KYAT1: variants seen among roughly 807,000 people sequenced by gnomAD.
The protein encoded by KYAT1 is kynurenine aminotransferase 1.
In KYAT1, 47 loss-of-function variants were observed where a neutral mutation model predicts 52.4. The observed-to-expected ratio is 0.90, with a 90% CI of 0.71 to 1.14. The LOEUF is 1.14. KYAT1 is among the 50% of genes most tolerant of loss of function. KYAT1 has a pLI of 0.00. For missense variants in KYAT1, 480 were observed against 557.9 expected (o/e 0.86, Z 1.41); for synonymous variants, 212 against 209.6 (o/e 1.01, Z -0.10).
At chr9:128,863,945 C>T (rs552519067) in intron 1 of KYAT1, among the ~76,000 whole-genome samples, 2 of 152,168 alleles carry the variant, frequency 1.3e-5, no homozygotes, top group Non-Finnish European at 2.9e-5. Flanking sequence ...CTGCGCCTCA[C>T]CCCTTTTCTA....
intron 1 of KYAT1, chr9:128,847,555 G>C: frequency 6.7e-7 from 1 of 1,497,446 alleles, no homozygotes; most frequent in South Asian, 1.2e-5. Context: ...GGGCACTGCA[G>C]ACTTTTCCAG....
chr9:128,874,199 T>G (rs1837635870), intron 1 of KYAT1, among the ~76,000 whole-genome samples: 2 of 150,398 alleles, frequency 1.3e-5, no homozygotes, highest in African/African-American at 4.9e-5. Context: ...GAGGTTGCAG[T>G]GAGCCGAGAT....
At chr9:128,875,247 T>G (rs866746603) in intron 1 of KYAT1, among the ~76,000 whole-genome samples, 7 of 148,324 alleles carry the variant, frequency 4.7e-5, no homozygotes, top group Admixed American at 1.3e-4. Flanking sequence ...TGTTTTTTTT[T>G]GTTTTTTTTT....
At position 128,841,967 on chromosome 9, in the gene KYAT1, A is replaced by G. The variant is rs935737029; in HGVS notation, c.201+687T>C. 1.1e-4 allele frequency: 17 copies of G among 155,138 alleles called. 1 individual carries two copies. In the South Asian group the frequency reaches 2.7e-3, roughly 25 times the overall value. The allele number at this position is 155,138 out of a possible 1,614,324, so 9.6% of individuals were successfully genotyped here. ...GTACAGGCTGCAGTGAGCCGTGATCATGTCACTACACTCTAGCCTAGGTGA... is the reference window on the plus strand; with the variant it reads ...GTACAGGCTGCAGTGAGCCGTGATCGTGTCACTACACTCTAGCCTAGGTGA... On this transcript the variant is annotated intron_variant, in intron 3 of 12. Coordinates refer to ENST00000302586, the MANE Select transcript of KYAT1 (RefSeq NM_004059.5).
intron 6 of KYAT1, 124 bp from the exon 7 acceptor site, chr9:128,837,046 C>A (rs1831257225): frequency 7.8e-7 from 1 of 1,285,526 alleles, no homozygotes; most frequent in Non-Finnish European, 1.1e-6. Flanking sequence ...GTAATCCTAG[C>A]ACTTTGGGAG....
At chr9:128,860,314 T>C (rs1321756846) in intron 1 of KYAT1, 2 of 152,274 alleles carry the variant, frequency 1.3e-5, no homozygotes, top group Non-Finnish European at 2.9e-5. Context: ...CACCATTCTC[T>C]AGGTATTCCT....
At chr9:128,834,823 C>T (rs866201304) in intron 11 of KYAT1, among the ~76,000 whole-genome samples, 9 of 112,724 alleles carry the variant, frequency 8.0e-5, no homozygotes, top group Non-Finnish European at 1.4e-4. Flanking sequence ...CAGAGTGAGA[C>T]TCTGTCTCAA....
chr9:128,881,572 T>C (rs1370652291), intron 1 of KYAT1, among the ~76,000 whole-genome samples: 1 of 152,094 alleles, frequency 6.6e-6, no homozygotes, highest in Non-Finnish European at 1.5e-5. Flanking sequence ...TTTATGGAGC[T>C]GCAGAGTTGG....
chr9:128,839,313 AT>A (rs1473899775), intron 3 of KYAT1, among the ~76,000 whole-genome samples: 1 of 152,164 alleles, frequency 6.6e-6, no homozygotes, highest in Non-Finnish European at 1.5e-5. Flanking sequence ...GAGAGAAGAA[AT>A]TACTTGTCTA....
intron 1 of KYAT1, among the ~76,000 whole-genome samples, chr9:128,872,438 C>T (rs1020201026): frequency 5.3e-5 from 8 of 150,642 alleles, no homozygotes; most frequent in African/African-American, 1.7e-4. Flanking sequence ...AGCGAGACTC[C>T]GACTCAAAAA....
intron 1 of KYAT1, among the ~76,000 whole-genome samples, chr9:128,873,988 G>T (rs1479536527): frequency 6.7e-6 from 1 of 149,878 alleles, no homozygotes; most frequent in Non-Finnish European, 1.5e-5. Context: ...GGGCGTGGTG[G>T]TTCACACCTG....
chr9:128,867,110 G>T (rs1836504157), intron 1 of KYAT1, among the ~76,000 whole-genome samples: 1 of 152,164 alleles, frequency 6.6e-6, no homozygotes, highest in Non-Finnish European at 1.5e-5. Flanking sequence ...GTTCACTGGT[G>T]TAAGTTTTGG....
intron 1 of KYAT1, among the ~76,000 whole-genome samples, chr9:128,881,242 G>A (rs1345320261): frequency 2.0e-5 from 3 of 152,136 alleles, no homozygotes; most frequent in East Asian, 3.9e-4. Flanking sequence ...CACCACGCCC[G>A]GCTGATTTTT....
At chr9:128,858,666 G>A (rs1056770230) in intron 1 of KYAT1, among the ~76,000 whole-genome samples, 8 of 152,036 alleles carry the variant, frequency 5.3e-5, no homozygotes, top group African/African-American at 1.9e-4. Context: ...TTGCACTCCA[G>A]CCTGGGCAAC....
intron 1 of KYAT1, chr9:128,846,814 T>C (rs1052350556): frequency 1.3e-6 from 2 of 1,535,606 alleles, no homozygotes; most frequent in Non-Finnish European, 1.7e-6. Flanking sequence ...CCCAGATGGC[T>C]GGTGGGCCGT....
At chr9:128,870,409 AG>A (rs1166944407) in intron 1 of KYAT1, among the ~76,000 whole-genome samples, 1 of 152,198 alleles carries the variant, frequency 6.6e-6, no homozygotes, top group East Asian at 1.9e-4. Flanking sequence ...GCACTTTGGA[AG>A]GCTGACGTGG....
At chr9:128,872,721 C>T (rs1588154177) in intron 1 of KYAT1, among the ~76,000 whole-genome samples, 1 of 150,878 alleles carries the variant, frequency 6.6e-6, no homozygotes, top group South Asian at 2.1e-4. Flanking sequence ...GAGCCAAGAT[C>T]GCACCGTTTG....
intron 1 of KYAT1, among the ~76,000 whole-genome samples, chr9:128,866,287 T>C (rs1836365928): frequency 1.3e-5 from 2 of 152,180 alleles, no homozygotes; most frequent in African/African-American, 2.4e-5. Flanking sequence ...GTGAAAAAGA[T>C]ATAAATGGGA....
intron 2 of KYAT1, among the ~76,000 whole-genome samples, chr9:128,844,702 A>G (rs1349527466): frequency 6.6e-6 from 1 of 151,212 alleles, no homozygotes; most frequent in African/African-American, 2.4e-5. Context: ...GGGGGAAAAG[A>G]AAAAGAAAAA....
Sources: gnomAD v4.1 joint callset for allele counts (sites outside exome capture counted in the v4.1 genomes callset) on GRCh38, gnomAD v4.1.1 for gene constraint, MANE v1.5 for transcripts, NCBI Gene and HGNC (gene_info 2026-07-23, HGNC 2026-07-21) for gene names.